Variants in CLCN4 observed in about 807,000 individuals in gnomAD.
The protein encoded by CLCN4 is Cl-/H+ antiporter 4.
In CLCN4, 1 loss-of-function variant was observed where a neutral mutation model predicts 41.7. That is an observed-to-expected ratio of 0.02 (90% CI 0.01 to 0.11). CLCN4 has a LOEUF of 0.11. Among genes scored for constraint, CLCN4 ranks in the 10% least tolerant of loss-of-function variants. CLCN4 has a pLI of 1.00. For missense variants in CLCN4, 287 were observed against 661.0 expected (o/e 0.43, Z 6.20); for synonymous variants, 277 against 285.8 (o/e 0.97, Z 0.31).
chrX:10,174,403 A>C (rs1923465801), intron 2 of CLCN4, among the ~76,000 whole-genome samples: 1 of 111,809 alleles, frequency 8.9e-6, no homozygotes, highest in Non-Finnish European at 1.9e-5. Flanking sequence ...ATTTTGGACC[A>C]CTCTAGCAGC....
intron 6 of CLCN4, among the ~76,000 whole-genome samples, chrX:10,205,231 T>C (rs372087172): frequency 9.0e-5 from 10 of 111,317 alleles, no homozygotes; most frequent in South Asian, 3.7e-4. Context: ...CCCAGCACTT[T>C]GGGAGGCCAA....
At chrX:10,202,214 C>T (rs180762971) in intron 6 of CLCN4, among the ~76,000 whole-genome samples, 1 of 111,178 alleles carries the variant, frequency 9.0e-6, no homozygotes, top group Non-Finnish European at 1.9e-5. Context: ...TGGCTCACAC[C>T]TGTAATCCCA....
chrX:10,225,865 G>T (rs1924977325), intron 12 of CLCN4, among the ~76,000 whole-genome samples: 1 of 111,654 alleles, frequency 9.0e-6, no homozygotes, highest in Non-Finnish European at 1.9e-5. Context: ...TTTCCCCATT[G>T]ATTGTTAGCT....
At chrX:10,177,565 G>A (rs548159779) in intron 2 of CLCN4, among the ~76,000 whole-genome samples, 11 of 112,022 alleles carry the variant, frequency 9.8e-5, no homozygotes, top group Middle Eastern at 4.6e-3. Flanking sequence ...TCTAGGGGCT[G>A]GTCATGTTTC....
chrX:10,176,635 C>T (rs953426532), intron 2 of CLCN4, among the ~76,000 whole-genome samples: 1 of 111,916 alleles, frequency 8.9e-6, no homozygotes, highest in Non-Finnish European at 1.9e-5. Flanking sequence ...GGGGACCCTG[C>T]CGGGACTTGC....
At chrX:10,183,752 A>G (rs1923742441) in intron 2 of CLCN4, among the ~76,000 whole-genome samples, 1 of 112,277 alleles carries the variant, frequency 8.9e-6, no homozygotes, top group Non-Finnish European at 1.9e-5. Context: ...CCAGGTGAGG[A>G]GAGCTGGAAT....
At chrX:10,185,215 A>T (rs1923779459) in intron 3 of CLCN4, 39 bp downstream of exon 3, 1 of 1,165,826 alleles carries the variant, frequency 8.6e-7, no homozygotes. Flanking sequence ...CAAATGGCTA[A>T]GCCATGTTTT....
chrX:10,205,870 C>T (rs1385845793), intron 6 of CLCN4, among the ~76,000 whole-genome samples: 5 of 110,118 alleles, frequency 4.5e-5, no homozygotes, highest in Admixed American at 9.7e-5. Context: ...CCTCCCACCT[C>T]GGCCTCCCAA....
intron 2 of CLCN4, among the ~76,000 whole-genome samples, chrX:10,163,375 T>G (rs112365715): frequency 8.2e-5 from 9 of 110,373 alleles, no homozygotes; most frequent in Non-Finnish European, 1.5e-4. Flanking sequence ...TTTTTTTTTT[T>G]TGTGATAAGT....
At chrX:10,226,154 C>T (rs1399943857) in intron 12 of CLCN4, among the ~76,000 whole-genome samples, 1 of 111,696 alleles carries the variant, frequency 9.0e-6, no homozygotes, top group Non-Finnish European at 1.9e-5. Flanking sequence ...AAACACTCCT[C>T]AGCAAATGCA....
intron 1 of CLCN4, among the ~76,000 whole-genome samples, chrX:10,157,621 A>G (rs1231183502): frequency 8.8e-6 from 1 of 113,006 alleles, no homozygotes; most frequent in Non-Finnish European, 1.9e-5. Context: ...GTAATTTTCT[A>G]AAGTCTTTCT....
chrX:10,213,131 T>C (rs138918203), intron 10 of CLCN4, among the ~76,000 whole-genome samples: 92 of 112,041 alleles, frequency 8.2e-4, no homozygotes, highest in African/African-American at 2.9e-3. Context: ...GCCTGTGTAC[T>C]TGAGGCATGG....
At position 10,212,634 on chromosome X, in the gene CLCN4, G is replaced by C; in HGVS notation, c.1557G>C (p.Val519=). Reference sequence around the variant, plus strand: ...TCACGCCAGGGCTGTACGCAATGGTGGGAGCTGCGGCCTGCCTCGGTACGA... The same window carrying C: ...TCACGCCAGGGCTGTACGCAATGGTCGGAGCTGCGGCCTGCCTCGGTACGA... The part of the protein sequence containing the change: ...DCVTPGLYAM[V]GAAACLGGVT... Residue 519 remains valine (V), a synonymous_variant, in exon 10 of 13, where the codon GTG becomes GTC. Transcript: ENST00000380833. The C allele has an allele frequency of 8.3e-7, 1 of 1,209,508 alleles. No homozygotes were observed. Among genetic ancestry groups the C allele is most frequent in the Non-Finnish European group, 1.1e-6 (1 of 893,919 alleles).
At chrX:10,218,356 T>C (rs1159712890) in intron 11 of CLCN4, among the ~76,000 whole-genome samples, 1 of 112,081 alleles carries the variant, frequency 8.9e-6, no homozygotes, top group Non-Finnish European at 1.9e-5. Flanking sequence ...TGTATTGTTT[T>C]GGTTTCTTTT....
intron 2 of CLCN4, among the ~76,000 whole-genome samples, chrX:10,175,151 G>C (rs1923485141): frequency 9.0e-6 from 1 of 111,563 alleles, no homozygotes; most frequent in African/African-American, 3.3e-5. Flanking sequence ...GCATTACTTG[G>C]GCAGAGCTGG....
At position 10,236,081 on chromosome X, in the gene CLCN4, G is replaced by C. The variant is rs909146794; in HGVS notation, c.*2497G>C. Reference sequence around the variant, plus strand: ...TGGGAAAGAGTATTAGTCATAGCCTGGCTTTATAGAATCCAGGAGGTCCTT... The same window carrying C: ...TGGGAAAGAGTATTAGTCATAGCCTCGCTTTATAGAATCCAGGAGGTCCTT... On this transcript the variant is annotated 3_prime_UTR_variant, in exon 13 of 13. Coordinates refer to ENST00000380833, the MANE Select transcript of CLCN4 (RefSeq NM_001830.4). 1.5e-4 allele frequency: 17 copies of C among 112,073 alleles called. No individual in the cohort carries two copies. Among genetic ancestry groups the C allele is most frequent in the African/African-American group, 4.9e-4 (15 of 30,786 alleles). 9.2% of individuals were successfully genotyped at this position (112,073 alleles called of 1,213,427 possible).
Position 10,212,124 on chromosome X carries a change from C to T in CLCN4, c.1390-343C>T, listed in dbSNP as rs925384963. ...CCATTCTGAATGACATGGCAAGGGG[C>T]GAGAGAAAGTGGTGTCTCAACTGAC... On this transcript the variant is annotated intron_variant, in intron 9 of 12. Coordinates refer to ENST00000380833, the MANE Select transcript of CLCN4 (RefSeq NM_001830.4). 3.6e-5 allele frequency among the ~76,000 whole-genome samples: 4 copies of T among 112,093 alleles called. No individual in the cohort carries two copies. In the South Asian group the frequency reaches 1.1e-3, roughly 31 times the overall value.
chrX:10,208,859 T>C (rs1924463044), intron 9 of CLCN4, among the ~76,000 whole-genome samples: 1 of 112,058 alleles, frequency 8.9e-6, no homozygotes, highest in Non-Finnish European at 1.9e-5. Context: ...CCACAGCTTA[T>C]GGGAGACAGA....
intron 12 of CLCN4, among the ~76,000 whole-genome samples, chrX:10,221,110 G>A (rs1482392847): frequency 9.0e-6 from 1 of 111,174 alleles, no homozygotes; most frequent in Non-Finnish European, 1.9e-5. Flanking sequence ...TGCCTGGGCT[G>A]AGGGAGGTTG....
Sources: gnomAD v4.1 joint callset for allele counts (sites outside exome capture counted in the v4.1 genomes callset) on GRCh38, gnomAD v4.1.1 for gene constraint, MANE v1.5 for transcripts, NCBI Gene and HGNC (gene_info 2026-07-23, HGNC 2026-07-21) for gene names.